MAP4K4: variants seen among roughly 807,000 people sequenced by gnomAD.
MAP4K4 encodes the protein HPK/GCK-like kinase HGK.
In MAP4K4, 38 loss-of-function variants were observed where a neutral mutation model predicts 189.6. The ratio of observed to expected loss-of-function variants is 0.20; its 90% CI spans 0.15 to 0.26. The LOEUF (loss-of-function observed/expected upper bound fraction) is 0.26. Ranked by LOEUF, MAP4K4 falls within the 10% of genes least tolerant of loss-of-function variation. The pLI, the probability that MAP4K4 is intolerant of heterozygous loss-of-function variation, is 1.00. For missense variants in MAP4K4, 1,054 were observed against 1,726.9 expected (o/e 0.61, Z 6.91); for synonymous variants, 610 against 624.3 (o/e 0.98, Z 0.34).
intron 2 of MAP4K4, among the ~76,000 whole-genome samples, chr2:101,711,647 A>C (rs2045618267): frequency 6.6e-6 from 1 of 152,120 alleles, no homozygotes; most frequent in African/African-American, 2.4e-5. Flanking sequence ...GTTGAGTGAG[A>C]TATTTCTAAC....
intron 17 of MAP4K4, 125 bp downstream of exon 17, chr2:101,864,176 G>A (rs1346554762): frequency 2.4e-6 from 1 of 421,828 alleles, no homozygotes; most frequent in African/African-American, 2.1e-5. Context: ...AATTTCAAAG[G>A]GACTTTTTAC....
chr2:101,765,155 A>G (rs539125926), intron 2 of MAP4K4, among the ~76,000 whole-genome samples: 2 of 152,042 alleles, frequency 1.3e-5, no homozygotes, highest in Admixed American at 6.5e-5. Flanking sequence ...AGTCAATCCC[A>G]TGGAATCAAA....
chr2:101,816,991 C>A (rs1483857991), intron 3 of MAP4K4, among the ~76,000 whole-genome samples: 1 of 147,686 alleles, frequency 6.8e-6, no homozygotes, highest in African/African-American at 2.4e-5. Context: ...ACTTTTCTAT[C>A]CTAAACTCTT....
In MAP4K4 at chr2:101,752,799, C is replaced by T. The variant is rs552600879; in HGVS notation, c.124-37921C>T. Among the ~76,000 whole-genome samples, 213 of 152,252 alleles carry T rather than the reference C, an allele frequency of 1.4e-3. 1 individual carries two copies. The highest frequency in any genetic ancestry group is 4.6e-3 in the African/African-American group (190 of 41,550). ...AAACTGCACCAGGAGTTTTACTGGC[C>T]GTGTCCACATTCCACATCATTATTG... is the stretch of plus-strand genomic sequence containing the variant. On this transcript the variant is annotated intron_variant, in intron 2 of 32. Transcript: ENST00000324219.
chr2:101,816,244 A>T (rs570127408), intron 3 of MAP4K4, among the ~76,000 whole-genome samples: 6 of 152,314 alleles, frequency 3.9e-5, no homozygotes, highest in Admixed American at 3.3e-4. Context: ...AGGATAAATC[A>T]TCTGTCCTTG....
chr2:101,799,697 G>T (rs2148955890), intron 3 of MAP4K4, among the ~76,000 whole-genome samples: 1 of 152,142 alleles, frequency 6.6e-6, no homozygotes, highest in South Asian at 2.1e-4. Context: ...GACTTCCTGG[G>T]CTCAAGTGAT....
chr2:101,802,532 A>C (rs982259804), intron 3 of MAP4K4, among the ~76,000 whole-genome samples: 2 of 152,066 alleles, frequency 1.3e-5, no homozygotes, highest in Non-Finnish European at 2.9e-5. Context: ...GATCCCGCCC[A>C]GAGACCTGTC....
intron 2 of MAP4K4, among the ~76,000 whole-genome samples, chr2:101,726,836 A>G (rs2055661849): frequency 6.6e-6 from 1 of 152,172 alleles, no homozygotes; most frequent in Non-Finnish European, 1.5e-5. Flanking sequence ...GAAACTGGGT[A>G]ATTTATGAAG....
At chr2:101,822,209 A>G (rs1452558969) in intron 3 of MAP4K4, among the ~76,000 whole-genome samples, 1 of 152,260 alleles carries the variant, frequency 6.6e-6, no homozygotes, top group African/African-American at 2.4e-5. Flanking sequence ...TATGTACTAT[A>G]CATAACTATA....
chr2:101,805,540 T>A (rs1358675261), intron 3 of MAP4K4, among the ~76,000 whole-genome samples: 1 of 152,242 alleles, frequency 6.6e-6, no homozygotes, highest in African/African-American at 2.4e-5. Flanking sequence ...TGGCAGGTGC[T>A]GAATTGAATT....
Position 101,859,871 on chromosome 2 carries a change from T to G in MAP4K4, c.1704+7T>G, listed in dbSNP as rs954780020. The stretch of plus-strand genomic sequence containing the variant: ...TGCTGACCGAGCGCGAGAGGTATCC[T>G]CTTTCCTTTGTCACTTAGACATTGC... On this transcript the variant is annotated splice_region_variant and intron_variant, in intron 15 of 32. Transcript: ENST00000324219. 6.3e-7 allele frequency: 1 copy of G among 1,589,642 alleles called. No individual in the cohort carries two copies. The highest frequency in any genetic ancestry group is 8.6e-7 in the Non-Finnish European group (1 of 1,168,104).
At chr2:101,736,857 C>T (rs1423579967) in intron 2 of MAP4K4, among the ~76,000 whole-genome samples, 1 of 152,142 alleles carries the variant, frequency 6.6e-6, no homozygotes, top group Non-Finnish European at 1.5e-5. Flanking sequence ...ACAGTTTAGA[C>T]AGTTGTCTAT....
At chr2:101,872,890 C>G (rs17026220) in intron 24 of MAP4K4, among the ~76,000 whole-genome samples, 90 of 152,174 alleles carry the variant, frequency 5.9e-4, no homozygotes, top group Non-Finnish European at 1.1e-3. Flanking sequence ...TGCTCCATTT[C>G]GCTCTAATGT....
At chr2:101,860,125 A>G (rs1261077292) in intron 15 of MAP4K4, 8 of 534,914 alleles carry the variant, frequency 1.5e-5, no homozygotes, top group Non-Finnish European at 2.4e-5. Flanking sequence ...ACTAAACTAA[A>G]AGATTACATG....
chr2:101,789,732 G>A (rs1274056592), intron 2 of MAP4K4, among the ~76,000 whole-genome samples: 1 of 152,180 alleles, frequency 6.6e-6, no homozygotes, highest in Non-Finnish European at 1.5e-5. Flanking sequence ...AAGTTGTTAA[G>A]TAGATCATGC....
intron 2 of MAP4K4, among the ~76,000 whole-genome samples, chr2:101,712,748 G>T (rs1467375341): frequency 1.3e-5 from 2 of 151,362 alleles, no homozygotes; most frequent in Non-Finnish European, 2.9e-5. Context: ...CACCCATCTC[G>T]GCCTCTCCAC....
chr2:101,889,505 C>A (rs1037165644), intron 32 of MAP4K4, among the ~76,000 whole-genome samples: 8 of 152,168 alleles, frequency 5.3e-5, no homozygotes, highest in Admixed American at 4.6e-4. Context: ...AGGGACGATT[C>A]CTGTGGCACC....
chr2:101,856,611 TA>T (rs568391105), intron 13 of MAP4K4, among the ~76,000 whole-genome samples: 5 of 152,298 alleles, frequency 3.3e-5, no homozygotes, highest in African/African-American at 1.2e-4. Flanking sequence ...CACAGCACAT[TA>T]AAAAAACTAA....
chr2:101,754,882 G>A (rs188814733), intron 2 of MAP4K4, among the ~76,000 whole-genome samples: 1 of 152,294 alleles, frequency 6.6e-6, no homozygotes, highest in Admixed American at 6.5e-5. Flanking sequence ...TGAAGATGAG[G>A]GGAAGGAAGG....
Sources: gnomAD v4.1 joint callset for allele counts (sites outside exome capture counted in the v4.1 genomes callset) on GRCh38, gnomAD v4.1.1 for gene constraint, MANE v1.5 for transcripts, NCBI Gene and HGNC (gene_info 2026-07-23, HGNC 2026-07-21) for gene names.